HOXC5: variants seen among roughly 807,000 people sequenced by gnomAD.
The protein encoded by HOXC5 is homeobox C5.
In HOXC5, 19 loss-of-function variants were observed where a neutral mutation model predicts 20.1. The ratio of observed to expected loss-of-function variants is 0.94; its 90% CI spans 0.66 to 1.38. HOXC5 has a LOEUF of 1.38. HOXC5 is among the 40% of genes most tolerant of loss of function. The probability of loss-of-function intolerance (pLI) is 0.00; values close to 1 mark genes in which losing one functional copy is unlikely to be tolerated. For missense variants in HOXC5, 330 were observed against 300.1 expected (o/e 1.10, Z -0.74); for synonymous variants, 124 against 117.0 (o/e 1.06, Z -0.39).
chr12:54,027,106 T>C, the HOXC5 span, among the ~76,000 whole-genome samples: 1 of 152,240 alleles, frequency 6.6e-6, no homozygotes, highest in African/African-American at 2.4e-5. Context: ...CTGCACACTT[T>C]CCGCTGTTTC....
chr12:54,030,056 T>C (rs1160844379), upstream of HOXC5: 2 of 1,219,732 alleles, frequency 1.6e-6, no homozygotes, highest in African/African-American at 1.5e-5. Flanking sequence ...ACTGGCACAA[T>C]TGATGTGTTT....
upstream of HOXC5, chr12:54,030,039 A>G: frequency 1.5e-6 from 2 of 1,302,944 alleles, no homozygotes; most frequent in Non-Finnish European, 1.0e-6. Context: ...CACACTCTGT[A>G]TTTATCACTG....
the HOXC5 span, chr12:54,021,895 C>G: frequency 3.3e-5 from 5 of 152,300 alleles, no homozygotes; most frequent in East Asian, 3.8e-4. Flanking sequence ...TGTGCTATCC[C>G]CGGACTCCCT....
upstream of HOXC5, chr12:54,029,853 C>A (rs747214600): frequency 6.2e-7 from 1 of 1,614,016 alleles, no homozygotes; most frequent in Admixed American, 1.7e-5. Flanking sequence ...AAAAAAGAAT[C>A]TAATCTCACA....
chr12:54,028,824 T>A, upstream of HOXC5: 1 of 1,613,846 alleles, frequency 6.2e-7, no homozygotes, highest in Non-Finnish European at 8.5e-7. Flanking sequence ...CCTCAATCGC[T>A]CAGGATTTTA....
upstream of HOXC5, chr12:54,030,088 G>C: frequency 2.0e-6 from 2 of 994,258 alleles, no homozygotes; most frequent in Non-Finnish European, 2.9e-6. Context: ...AACAAAATTA[G>C]GGAGTCAAAC....
In HOXC5 at chr12:54,033,533, G is replaced by T; in HGVS notation, c.411G>T (p.Pro137=). The T allele has an allele frequency of 6.3e-7, 1 of 1,597,864 alleles. No individual in the cohort carries two copies. The change falls in exon 1 of 2, where the codon CCG becomes CCT. Residue 137 remains proline, a synonymous_variant. Transcript: ENST00000312492. ...CCGGACTGAGCCAGCCACCGGCCCC[G>T]CCACAGATTTACCCGTGGATGACCA... The part of the protein sequence containing the change: ...QPAGLSQPPA[P]PQIYPWMTKL...
chr12:54,019,673 C>T, the HOXC5 span, among the ~76,000 whole-genome samples: 1 of 152,206 alleles, frequency 6.6e-6, no homozygotes, highest in Non-Finnish European at 1.5e-5. Flanking sequence ...AGGGCCCCCT[C>T]CCACCCGAGG....
At chr12:54,027,187 T>C in the HOXC5 span, among the ~76,000 whole-genome samples, 1 of 152,246 alleles carries the variant, frequency 6.6e-6, no homozygotes, top group Non-Finnish European at 1.5e-5. Flanking sequence ...CTTCCCTTTT[T>C]TTAGCCCCAA....
upstream of HOXC5, chr12:54,029,487 G>T (rs1940896521): frequency 5.6e-6 from 3 of 532,462 alleles, no homozygotes; most frequent in East Asian, 3.3e-5. Flanking sequence ...TGGGGTCCTC[G>T]CTGTACCCCC....
the HOXC5 span, among the ~76,000 whole-genome samples, chr12:54,018,060 A>G: frequency 6.6e-6 from 1 of 152,038 alleles, no homozygotes; most frequent in Non-Finnish European, 1.5e-5. Context: ...GGTGCGCGTC[A>G]GCCGAGAGGA....
the HOXC5 span, among the ~76,000 whole-genome samples, chr12:54,017,960 GC>G: frequency 6.6e-6 from 1 of 152,186 alleles, no homozygotes; most frequent in African/African-American, 2.4e-5. Context: ...CGCAGTGTGG[GC>G]CCAGGGCCGG....
chr12:54,024,782 C>T, the HOXC5 span, among the ~76,000 whole-genome samples: 1 of 152,168 alleles, frequency 6.6e-6, no homozygotes, highest in Non-Finnish European at 1.5e-5. Flanking sequence ...AGTGCCCAGG[C>T]TGCAATGCCA....
Position 54,033,252 on chromosome 12 carries a change from G to T in HOXC5, c.130G>T (p.Asp44Tyr), listed in dbSNP as rs1941056740. Residue 44 changes from aspartate (D) to tyrosine (Y), a missense_variant, in exon 1 of 2, where the codon GAC (aspartate) becomes TAC (tyrosine). Physicochemically the swap from Asp to Tyr is radical, Grantham distance 160. Transcript: ENST00000312492. The part of the protein sequence containing the change: ...QASRYCYGGL[D>Y]LSITFPPPAP... Reference sequence around the variant, plus strand: ...ATCCAGGTACTGCTACGGCGGATTGGACTTAAGCATCACTTTCCCACCGCC... The same window carrying T: ...ATCCAGGTACTGCTACGGCGGATTGTACTTAAGCATCACTTTCCCACCGCC... The T allele has an allele frequency of 1.9e-6, 3 of 1,614,156 alleles. No individual in the cohort carries two copies. The highest frequency in any genetic ancestry group is 2.5e-6 in the Non-Finnish European group (3 of 1,180,028).
At chr12:54,034,246 C>T (rs769479523) in intron 1 of HOXC5, 32 bp from the exon 2 acceptor site, 2 of 1,590,644 alleles carry the variant, frequency 1.3e-6, no homozygotes, top group Non-Finnish European at 1.7e-6. Flanking sequence ...CTATTCACCC[C>T]TTCCTGGCTT....
At position 54,034,645 on chromosome 12, in the gene HOXC5, T is replaced by C. The variant is rs1309722189; in HGVS notation, c.*153T>C. On this transcript the variant is annotated 3_prime_UTR_variant, in exon 2 of 2. Coordinates refer to ENST00000312492, the MANE Select transcript of HOXC5 (RefSeq NM_018953.4). ...CAGACAAAAGCGCTTTTCCTTGGCA[T>C]TCCGCATCCCTACCGACCCAGGGTT... The C allele has an allele frequency of 1.6e-6, 1 of 632,652 alleles. No individual in the cohort carries two copies. The highest frequency in any genetic ancestry group is 2.7e-6 in the Non-Finnish European group (1 of 366,400). 39.2% of individuals were successfully genotyped at this position (632,652 alleles called of 1,614,324 possible).
At chr12:54,025,367 G>C in the HOXC5 span, among the ~76,000 whole-genome samples, 2 of 152,050 alleles carry the variant, frequency 1.3e-5, no homozygotes, top group Non-Finnish European at 2.9e-5. Flanking sequence ...AAATTAACAT[G>C]AAATGGGAAA....
At chr12:54,027,561 C>T in the HOXC5 span, among the ~76,000 whole-genome samples, 5 of 152,202 alleles carry the variant, frequency 3.3e-5, no homozygotes, top group Non-Finnish European at 7.3e-5. Context: ...CGTTCTTCCT[C>T]TCTCTCTCTT....
At chr12:54,028,451 G>T (rs926252689), upstream of HOXC5, 17 of 1,517,954 alleles carry the variant, frequency 1.1e-5, no homozygotes, top group Non-Finnish European at 1.4e-5. Context: ...TAACCATCTA[G>T]TTCCGAGTAC....
Sources: gnomAD v4.1 joint callset for allele counts (sites outside exome capture counted in the v4.1 genomes callset) on GRCh38, gnomAD v4.1.1 for gene constraint, MANE v1.5 for transcripts, NCBI Gene and HGNC (gene_info 2026-07-23, HGNC 2026-07-21) for gene names.